KCNQ5: variants seen among roughly 807,000 people sequenced by gnomAD.
The protein encoded by KCNQ5 is potassium voltage-gated channel subfamily Q member 5, also known as potassium voltage-gated channel subfamily KQT member 5.
A neutral mutation model predicts 98.2 loss-of-function variants in KCNQ5; 30 were observed. The observed-to-expected ratio is 0.31, with a 90% CI of 0.23 to 0.41. The LOEUF (loss-of-function observed/expected upper bound fraction) is 0.41. Among genes scored for constraint, KCNQ5 ranks in the 10% least tolerant of loss-of-function variants. KCNQ5 has a pLI of 1.00. For missense variants in KCNQ5, 835 were observed against 1,182.5 expected, an observed-to-expected ratio of 0.71 and a Z score of 4.31; for synonymous variants, 458 against 449.4, an observed-to-expected ratio of 1.02 and a Z score of -0.24.
intron 1 of KCNQ5, among the ~76,000 whole-genome samples, chr6:72,971,582 A>G (rs1013315105): frequency 3.4e-4 from 51 of 152,198 alleles, no homozygotes; most frequent in Non-Finnish European, 6.3e-4. Context: ...AATAGCAAAG[A>G]CCTGGAACCA....
intron 10 of KCNQ5, among the ~76,000 whole-genome samples, chr6:73,156,691 C>G (rs1354842189): frequency 6.6e-6 from 1 of 152,140 alleles, no homozygotes; most frequent in Non-Finnish European, 1.5e-5. Flanking sequence ...CTGTAAGTAA[C>G]ATATCACAAT....
At position 73,016,045 on chromosome 6, in the gene KCNQ5, T is replaced by A. The variant is rs149231525; in HGVS notation, c.489+12047T>A. Among the ~76,000 whole-genome samples, 1,108 of 152,264 alleles carry A rather than the reference T, an allele frequency of 7.3e-3. 16 individuals carry two copies. Among genetic ancestry groups the A allele is most frequent in the African/African-American group, 0.025 (1,056 of 41,544 alleles). ...CAATGAACAAAACAGCCAAAATCTC[T>A]GTTCTCATGGAGCTAATGTTTTTGT... On this transcript the variant is annotated intron_variant, in intron 2 of 13. Transcript: ENST00000370398.
rs566400166 is a variant in KCNQ5 at position 73,149,132 on chromosome 6, T to C, written c.1468+15491T>C. Among the ~76,000 whole-genome samples, 5 of 152,234 alleles carry C rather than the reference T, an allele frequency of 3.3e-5. No individual in the cohort carries two copies. The South Asian group carries it at 6.2e-4, about 19-fold the overall frequency. The stretch of plus-strand genomic sequence containing the variant: ...AGTGTCATGAAATCAAATGAATGGG[T>C]TATGATCAGCATTCTTTTAGTGAAA... On this transcript the variant is annotated intron_variant, in intron 10 of 13. Transcript: ENST00000370398.
intron 1 of KCNQ5, among the ~76,000 whole-genome samples, chr6:72,997,296 C>T (rs1425171321): frequency 2.0e-5 from 3 of 152,100 alleles, no homozygotes; most frequent in South Asian, 2.1e-4. Context: ...TGAGGGAAAC[C>T]TCTTGAACTG....
chr6:72,936,952 T>C (rs1000241025), intron 1 of KCNQ5, among the ~76,000 whole-genome samples: 1 of 152,230 alleles, frequency 6.6e-6, no homozygotes, highest in Non-Finnish European at 1.5e-5. Context: ...CACATTTTCA[T>C]TTGTGTATTT....
chr6:73,107,174 G>A (rs1775037646), intron 6 of KCNQ5, among the ~76,000 whole-genome samples: 1 of 152,192 alleles, frequency 6.6e-6, no homozygotes, highest in African/African-American at 2.4e-5. Context: ...GAGGCCACAT[G>A]TAGAGCAACC....
At chr6:72,728,232 C>T (rs1424470300) in intron 1 of KCNQ5, among the ~76,000 whole-genome samples, 10 of 152,094 alleles carry the variant, frequency 6.6e-5, no homozygotes, top group African/African-American at 2.4e-4. Context: ...GCATGCCACC[C>T]ACACACAAAA....
intron 1 of KCNQ5, among the ~76,000 whole-genome samples, chr6:72,646,849 T>G (rs1432064374): frequency 6.6e-6 from 1 of 152,180 alleles, no homozygotes; most frequent in Non-Finnish European, 1.5e-5. Flanking sequence ...TTTATACACT[T>G]TAGTCATATT....
chr6:72,879,245 G>A (rs1778542313), intron 1 of KCNQ5, among the ~76,000 whole-genome samples: 1 of 152,042 alleles, frequency 6.6e-6, no homozygotes, highest in African/African-American at 2.4e-5. Flanking sequence ...AGTGGTGAGA[G>A]ATATGAGATT....
chr6:73,062,882 T>C (rs1008022403), intron 3 of KCNQ5, among the ~76,000 whole-genome samples: 1 of 152,160 alleles, frequency 6.6e-6, no homozygotes, highest in African/African-American at 2.4e-5. Context: ...TACCACAGAC[T>C]CCAAATCTGT....
chr6:72,979,322 C>T (rs142973062), intron 1 of KCNQ5, among the ~76,000 whole-genome samples: 36 of 152,344 alleles, frequency 2.4e-4, no homozygotes, highest in Non-Finnish European at 5.0e-4. Context: ...TTCTCCACAT[C>T]CTCTCCAGCA....
At chr6:72,950,664 T>A (rs1766757544) in intron 1 of KCNQ5, among the ~76,000 whole-genome samples, 1 of 151,996 alleles carries the variant, frequency 6.6e-6, no homozygotes, top group Non-Finnish European at 1.5e-5. Context: ...TGAGCAGTCC[T>A]TCCACAGTTG....
chr6:73,131,615 T>C (rs1392715682), intron 9 of KCNQ5, among the ~76,000 whole-genome samples: 1 of 150,434 alleles, frequency 6.6e-6, no homozygotes, highest in Admixed American at 6.6e-5. Flanking sequence ...AAAAAAAGCT[T>C]GAGAAAAGTA....
intron 1 of KCNQ5, among the ~76,000 whole-genome samples, chr6:72,988,649 C>CTTTTTTTTTT (rs71540364): frequency 4.7e-5 from 6 of 127,868 alleles, no homozygotes; most frequent in African/African-American, 5.8e-5. Flanking sequence ...GCATGATTTT[C>CTTTTTTTTTT]TTTTTTTTTT....
intron 1 of KCNQ5, among the ~76,000 whole-genome samples, chr6:72,770,896 C>G (rs767139197): frequency 6.6e-6 from 1 of 152,036 alleles, no homozygotes; most frequent in Non-Finnish European, 1.5e-5. Context: ...TTTATTCATC[C>G]ACAAATTTTA....
rs376343148 is a variant in KCNQ5, at chr6:72,664,955, A to G, written c.398+42368A>G. 1.4e-4 allele frequency among the ~76,000 whole-genome samples: 21 copies of G among 152,368 alleles called. No homozygotes were observed. The East Asian group carries it at 2.5e-3, about 18-fold the overall frequency. The stretch of plus-strand genomic sequence containing the variant: ...TCCCGATAACAAAGTAATTAGCTAC[A>G]TAGACATTTTATCAACTACGTAGGC... On this transcript the variant is annotated intron_variant, in intron 1 of 13. Transcript: ENST00000370398.
At chr6:73,019,744 AT>A (rs1309792749) in intron 2 of KCNQ5, among the ~76,000 whole-genome samples, 1 of 152,180 alleles carries the variant, frequency 6.6e-6, no homozygotes. Context: ...ACAATGTTAT[AT>A]GGTGTTAAAG....
chr6:72,679,212 C>G (rs913703551), intron 1 of KCNQ5, among the ~76,000 whole-genome samples: 5 of 152,102 alleles, frequency 3.3e-5, no homozygotes, highest in Non-Finnish European at 1.5e-5. Flanking sequence ...AGTCAGCCAT[C>G]CCATTACAGG....
intron 1 of KCNQ5, among the ~76,000 whole-genome samples, chr6:72,963,959 ATTTTAT>A (rs1767491712): frequency 6.6e-6 from 1 of 152,128 alleles, no homozygotes; most frequent in Non-Finnish European, 1.5e-5. Flanking sequence ...CAGTCCACAG[ATTTTAT>A]TTTTAAGATG....
Sources: allele counts gnomAD v4.1 joint callset (sites outside exome capture counted in the v4.1 genomes callset), GRCh38; gene constraint gnomAD v4.1.1; transcripts MANE v1.5; gene names NCBI Gene and HGNC (gene_info 2026-07-23, HGNC 2026-07-21).